The following NKAIN2 variants were observed in gnomAD, a reference collection of about 807,000 sequenced individuals.
The protein encoded by NKAIN2 is sodium/potassium transporting ATPase interacting 2.
A neutral mutation model predicts 32.6 loss-of-function variants in NKAIN2; 14 were observed. The ratio of observed to expected loss-of-function variants is 0.43; its 90% confidence interval spans 0.28 to 0.67. NKAIN2 has a LOEUF of 0.67. NKAIN2 is among the 30% of genes least tolerant of loss of function. NKAIN2 has a pLI of 0.17. For synonymous variants in NKAIN2, 80 were observed against 87.2 expected (o/e 0.92, Z 0.46); for missense variants, 198 against 258.3 (o/e 0.77, Z 1.60).
chr6:124,491,900 G>C (rs1331891695), intron 3 of NKAIN2, among the ~76,000 whole-genome samples: 1 of 151,888 alleles, frequency 6.6e-6, no homozygotes, highest in Non-Finnish European at 1.5e-5. Flanking sequence ...TATCTGCATA[G>C]GGATATGCCC....
At chr6:124,366,215 G>A (rs79910941) in intron 3 of NKAIN2, among the ~76,000 whole-genome samples, 2,677 of 152,026 alleles carry the variant, frequency 0.018, 19 homozygotes, top group Non-Finnish European at 0.028. Context: ...AAATTGAGGG[G>A]ATCCTTATCA....
chr6:124,064,599 T>C (rs2114863921), intron 1 of NKAIN2, among the ~76,000 whole-genome samples: 1 of 152,292 alleles, frequency 6.6e-6, no homozygotes, highest in East Asian at 1.9e-4. Context: ...GATGTCCAGA[T>C]ATGCTAGACT....
At chr6:124,339,927 A>T (rs1391964073) in intron 2 of NKAIN2, among the ~76,000 whole-genome samples, 1 of 152,156 alleles carries the variant, frequency 6.6e-6, no homozygotes, top group Non-Finnish European at 1.5e-5. Flanking sequence ...CTAATTTTTT[A>T]AAAACTGTAT....
chr6:124,797,977 G>GTGCC (rs534859260), intron 5 of NKAIN2, among the ~76,000 whole-genome samples: 1,722 of 151,958 alleles, frequency 0.011, 24 homozygotes, highest in African/African-American at 0.04. Context: ...GGTATATTAT[G>GTGCC]TGCCTGCCTG....
intron 3 of NKAIN2, among the ~76,000 whole-genome samples, chr6:124,605,758 T>G (rs617602): frequency 6.6e-6 from 1 of 151,980 alleles, no homozygotes; most frequent in African/African-American, 2.4e-5. Flanking sequence ...CAGGCTGCCA[T>G]GGCTACCTAA....
chr6:124,629,204 G>A (rs1783468911), intron 3 of NKAIN2, among the ~76,000 whole-genome samples: 1 of 152,136 alleles, frequency 6.6e-6, no homozygotes, highest in South Asian at 2.1e-4. Flanking sequence ...CATCTATTGA[G>A]TCTAAGAATT....
chr6:123,907,865 A>G (rs1389230222), intron 1 of NKAIN2, among the ~76,000 whole-genome samples: 1 of 152,114 alleles, frequency 6.6e-6, no homozygotes, highest in Non-Finnish European at 1.5e-5. Context: ...ACAGCTACAT[A>G]TGTTTGTGGG....
At chr6:124,762,706 GA>G (rs1387241059) in intron 4 of NKAIN2, among the ~76,000 whole-genome samples, 2 of 152,134 alleles carry the variant, frequency 1.3e-5, no homozygotes, top group Non-Finnish European at 2.9e-5. Context: ...TGAAATTGGA[GA>G]AAAGTGAAGG....
At chr6:124,411,136 G>A (rs1480192400) in intron 3 of NKAIN2, among the ~76,000 whole-genome samples, 8 of 150,506 alleles carry the variant, frequency 5.3e-5, no homozygotes, top group Middle Eastern at 3.4e-3. Context: ...TCTTTATCCA[G>A]TTTGCCAGTC....
At chr6:124,460,935 G>T (rs1412136778) in intron 3 of NKAIN2, among the ~76,000 whole-genome samples, 1 of 151,308 alleles carries the variant, frequency 6.6e-6, no homozygotes, top group African/African-American at 2.4e-5. Context: ...ATTCTGGGTG[G>T]TTATCTTGAA....
chr6:124,101,860 A>C (rs1784906695), intron 1 of NKAIN2, among the ~76,000 whole-genome samples: 2 of 152,174 alleles, frequency 1.3e-5, no homozygotes, highest in Non-Finnish European at 1.5e-5. Context: ...AGAGGAATGA[A>C]GGAAAATGAT....
At chr6:124,728,461 G>C (rs1265559123) in intron 4 of NKAIN2, among the ~76,000 whole-genome samples, 621 of 79,928 alleles carry the variant, frequency 7.8e-3, no homozygotes, top group Admixed American at 9.2e-3. Flanking sequence ...ATGACTACTG[G>C]GTACATAACG....
chr6:124,217,927 T>C (rs1791573560), intron 1 of NKAIN2, among the ~76,000 whole-genome samples: 1 of 152,136 alleles, frequency 6.6e-6, no homozygotes, highest in East Asian at 1.9e-4. Context: ...AAATCAGTTG[T>C]GTTTCATATA....
At chr6:124,406,944 G>T (rs1298435750) in intron 3 of NKAIN2, among the ~76,000 whole-genome samples, 1 of 151,680 alleles carries the variant, frequency 6.6e-6, no homozygotes, top group East Asian at 1.9e-4. Flanking sequence ...TTATTATTAT[G>T]TTTATAATTT....
At chr6:123,896,645 T>C (rs1004610832) in intron 1 of NKAIN2, among the ~76,000 whole-genome samples, 11 of 152,218 alleles carry the variant, frequency 7.2e-5, no homozygotes, top group African/African-American at 2.7e-4. Context: ...TTGAGAGAGA[T>C]GTGGCTTTAA....
chr6:124,235,999 G>T (rs1792738318), intron 1 of NKAIN2, among the ~76,000 whole-genome samples: 1 of 152,008 alleles, frequency 6.6e-6, no homozygotes, highest in African/African-American at 2.4e-5. Context: ...AACAGAGGCA[G>T]AAAATATGTA....
rs74532502 is a variant in NKAIN2 at position 124,683,805 on chromosome 6, T to C, written c.474+25419T>C. Among the ~76,000 whole-genome samples the C allele has an allele frequency of 9.2e-3, 1,405 of 152,238 alleles. 12 individuals are homozygous for C. The highest frequency in any genetic ancestry group is 0.032 in the African/African-American group (1,345 of 41,558). ...TCACAGCAAGTAGGAAAAACATCAC[T>C]ATGCAGAGAGATTTGGGACTTGGCA... On this transcript the variant is annotated intron_variant, in intron 4 of 6. Transcript: ENST00000368417.
At chr6:124,080,096 A>G (rs568961658) in intron 1 of NKAIN2, among the ~76,000 whole-genome samples, 1 of 152,164 alleles carries the variant, frequency 6.6e-6, no homozygotes, top group Non-Finnish European at 1.5e-5. Flanking sequence ...CTGATAAAAA[A>G]GCTGGGACAA....
At chr6:124,491,786 G>A (rs1378659624) in intron 3 of NKAIN2, among the ~76,000 whole-genome samples, 1 of 151,928 alleles carries the variant, frequency 6.6e-6, no homozygotes, top group Non-Finnish European at 1.5e-5. Context: ...AGTAAAGTCT[G>A]TAGTTGAATT....
Sources: gnomAD v4.1 joint callset for allele counts (sites outside exome capture counted in the v4.1 genomes callset) on GRCh38, gnomAD v4.1.1 for gene constraint, MANE v1.5 for transcripts, NCBI Gene and HGNC (gene_info 2026-07-23, HGNC 2026-07-21) for gene names.